RNF115: variants seen among roughly 807,000 people sequenced by gnomAD.
RNF115 encodes the protein E3 ubiquitin-protein ligase RNF115.
Under a neutral mutation model 39.2 loss-of-function variants are expected in RNF115, and 31 were observed. The observed-to-expected ratio is 0.79, with a 90% CI of 0.59 to 1.07. The LOEUF (loss-of-function observed/expected upper bound fraction) is 1.07. Ranked by LOEUF, RNF115 falls within the 50% of genes least tolerant of loss-of-function variation. The probability of loss-of-function intolerance (pLI) is 0.00; values close to 1 mark genes in which losing one functional copy is unlikely to be tolerated. For synonymous variants in RNF115, 124 were observed against 131.0 expected, an observed-to-expected ratio of 0.95 and a Z score of 0.37; for missense variants, 384 against 381.7, an observed-to-expected ratio of 1.01 and a Z score of -0.05.
intron 3 of RNF115, chr1:145,773,125 T>C (rs1311463112): frequency 2.0e-5 from 3 of 152,236 alleles, no homozygotes; most frequent in Non-Finnish European, 4.4e-5. Context: ...TACTTCTTTG[T>C]CCATGGTGTC....
At chr1:145,792,138 G>C (rs1464703073) in intron 1 of RNF115, among the ~76,000 whole-genome samples, 4 of 152,050 alleles carry the variant, frequency 2.6e-5, no homozygotes, top group Admixed American at 1.3e-4. Context: ...TGGTCTGAAA[G>C]AACTCCTGAG....
At chr1:145,814,233 C>A (rs1484416559) in intron 1 of RNF115, among the ~76,000 whole-genome samples, 1 of 151,942 alleles carries the variant, frequency 6.6e-6, no homozygotes, top group Non-Finnish European at 1.5e-5. Context: ...GCACTCCAAC[C>A]TGGGCAACAA....
chr1:145,815,682 C>T (rs4970860), intron 1 of RNF115, among the ~76,000 whole-genome samples: 66,805 of 148,086 alleles, frequency 0.45, 14,142 homozygotes, highest in East Asian at 0.65. Context: ...AGAGTTTCTG[C>T]TATGGTTTTG....
intron 1 of RNF115, among the ~76,000 whole-genome samples, chr1:145,794,896 A>G (rs1276969524): frequency 1.3e-5 from 2 of 151,558 alleles, no homozygotes; most frequent in African/African-American, 4.8e-5. Flanking sequence ...GGGCGCCTGT[A>G]GTCCCAGCTA....
intron 1 of RNF115, among the ~76,000 whole-genome samples, chr1:145,806,467 G>A (rs180797078): frequency 3.9e-5 from 6 of 152,138 alleles, no homozygotes; most frequent in South Asian, 2.1e-4. Flanking sequence ...ATTAATCTCC[G>A]TACTTCTTCC....
intron 4 of RNF115, among the ~76,000 whole-genome samples, chr1:145,762,845 T>A (rs1023029237): frequency 6.6e-6 from 1 of 152,132 alleles, no homozygotes. Context: ...AAGAACGAAA[T>A]CATGTCCTTT....
chr1:145,772,705 G>A (rs1553715938), intron 3 of RNF115: 1 of 152,132 alleles, frequency 6.6e-6, no homozygotes, highest in African/African-American at 2.4e-5. Flanking sequence ...TGTCTTGTAT[G>A]GATGTCTTTG....
chr1:145,790,431 C>G (rs909302391), intron 1 of RNF115, among the ~76,000 whole-genome samples: 2 of 148,722 alleles, frequency 1.3e-5, no homozygotes, highest in African/African-American at 5.0e-5. Flanking sequence ...TGAGCCACTG[C>G]GCCCGGCCTT....
Position 145,752,585 on chromosome 1 carries a change from C to CTTTTTTTTTTTTT in RNF115, c.500+380_500+392dup, listed in dbSNP as rs60257682. ...CATCTACATACTCACCTATGCAGCT[C>CTTTTTTTTTTTTT]TTTTTTTTTTTTTTTTTTTTTGAGA... On this transcript the variant is annotated intron_variant, in intron 5 of 8. Coordinates refer to ENST00000582693, the MANE Select transcript of RNF115 (RefSeq NM_014455.4). 5.8e-3 allele frequency among the ~76,000 whole-genome samples: 487 copies of CTTTTTTTTTTTTT among 83,752 alleles called. 104 individuals are homozygous for CTTTTTTTTTTTTT. The highest frequency in any genetic ancestry group is 0.026 in the African/African-American group (448 of 17,408). The allele number at this position is 83,752 out of a possible 152,430, so 54.9% of individuals were successfully genotyped here.
intron 1 of RNF115, among the ~76,000 whole-genome samples, chr1:145,803,952 TTA>T (rs1553721235): frequency 6.6e-6 from 1 of 152,144 alleles, no homozygotes; most frequent in African/African-American, 2.4e-5. Flanking sequence ...CAGAAAAGAT[TTA>T]TAGTGTTTTT....
chr1:145,780,954 G>A (rs1553717268), intron 3 of RNF115, among the ~76,000 whole-genome samples: 1 of 152,124 alleles, frequency 6.6e-6, no homozygotes, highest in Non-Finnish European at 1.5e-5. Flanking sequence ...CCTTCAGGTA[G>A]CTATGGGGCT....
rs1657706538 is a variant in RNF115, at chr1:145,742,052, T to A, written c.*4814A>T. On this transcript the variant is annotated 3_prime_UTR_variant, in exon 9 of 9. Transcript: ENST00000582693. ...TGAACCCAGGAGCGGGAGGTTGCAG[T>A]GACCTGAGATCACGCCACTGCACTC... 1 of 152,228 alleles carries A rather than the reference T, an allele frequency of 6.6e-6. No homozygotes were observed. 9.4% of individuals were successfully genotyped at this position (152,228 alleles called of 1,614,324 possible).
intron 1 of RNF115, among the ~76,000 whole-genome samples, chr1:145,811,177 T>C (rs1199882741): frequency 6.6e-6 from 1 of 151,842 alleles, no homozygotes; most frequent in Non-Finnish European, 1.5e-5. Context: ...GTCCATAATT[T>C]TAATATGCAC....
At chr1:145,766,695 G>A (rs1399386904) in intron 4 of RNF115, among the ~76,000 whole-genome samples, 32 of 130,014 alleles carry the variant, frequency 2.5e-4, no homozygotes, top group Non-Finnish European at 3.7e-4. Context: ...CCTCCCTCCC[G>A]GACGGGGCGG....
At chr1:145,805,509 GTTTGATTTATAAAAGGAAAAT>G (rs1553721476) in intron 1 of RNF115, among the ~76,000 whole-genome samples, 1 of 150,842 alleles carries the variant, frequency 6.6e-6, no homozygotes, top group African/African-American at 2.4e-5. Context: ...TTATTGCTTT[GTTTGATTTATAAAAGGAAAAT>G]TTTGACATTG....
chr1:145,775,920 C>T (rs1449330923), intron 3 of RNF115, among the ~76,000 whole-genome samples: 2 of 152,008 alleles, frequency 1.3e-5, no homozygotes, highest in Non-Finnish European at 2.9e-5. Context: ...ATCACTCAAA[C>T]CCAGGAGGCA....
Position 145,743,796 on chromosome 1 carries a change from AAATAAATAAATAAATAAAT to A in RNF115, c.*3051_*3069del, listed in dbSNP as rs1657766432. On this transcript the variant is annotated 3_prime_UTR_variant, in exon 9 of 9. Coordinates refer to ENST00000582693, the MANE Select transcript of RNF115 (RefSeq NM_014455.4). Reference sequence around the variant, plus strand: ...CCTCCATCTCAAAAAATAAATAAATAAATAAATAAATAAATAAATAATAATAATAATAATAATAAATCCC... The same window carrying A: ...CCTCCATCTCAAAAAATAAATAAATAAATAATAATAATAATAATAAATCCC... The A allele has an allele frequency of 6.2e-5, 3 of 48,066 alleles. No individual in the cohort carries two copies. The highest frequency in any genetic ancestry group is 1.1e-3 in the South Asian group (1 of 892). The allele number at this position is 48,066 out of a possible 1,614,324, so 3.0% of individuals were successfully genotyped here.
intron 1 of RNF115, among the ~76,000 whole-genome samples, chr1:145,796,832 G>A (rs113667739): frequency 6.6e-6 from 1 of 151,554 alleles, no homozygotes; most frequent in African/African-American, 2.4e-5. Context: ...TTCATTCCCT[G>A]GTAACCACCA....
intron 2 of RNF115, among the ~76,000 whole-genome samples, chr1:145,786,806 C>A (rs1648402865): frequency 6.6e-6 from 1 of 152,150 alleles, no homozygotes; most frequent in Non-Finnish European, 1.5e-5. Context: ...AAAAGCTATC[C>A]CAAGTTAGCA....
Sources: gnomAD v4.1 joint callset for allele counts (sites outside exome capture counted in the v4.1 genomes callset) on GRCh38, gnomAD v4.1.1 for gene constraint, MANE v1.5 for transcripts, NCBI Gene and HGNC (gene_info 2026-07-23, HGNC 2026-07-21) for gene names.